RELCH: variants seen among roughly 807,000 people sequenced by gnomAD.
RELCH encodes RAB11-binding protein RELCH.
A neutral mutation model predicts 150.3 loss-of-function variants in RELCH; 41 were observed. That is an observed-to-expected ratio of 0.27 (90% CI 0.21 to 0.35). The LOEUF (loss-of-function observed/expected upper bound fraction) is 0.35, where lower values mean the gene tolerates loss of function less well. Ranked by LOEUF, RELCH falls within the 10% of genes least tolerant of loss-of-function variation. RELCH has a pLI of 1.00. For synonymous variants in RELCH, 478 were observed against 531.8 expected, an observed-to-expected ratio of 0.90 and a Z score of 1.39; for missense variants, 1,092 against 1,467.8, an observed-to-expected ratio of 0.74 and a Z score of 4.18.
Position 62,280,890 on chromosome 18 carries a change from A to G in RELCH, c.3114+181A>G, listed in dbSNP as rs114123120. Among the ~76,000 whole-genome samples, 1,012 of 152,270 alleles carry G rather than the reference A, an allele frequency of 6.6e-3. 9 individuals are homozygous for G. The highest frequency in any genetic ancestry group is 0.023 in the African/African-American group (943 of 41,548). ...TAACCAAGGTATATTTCCATATCCT[A>G]AGGAAATCTCTAGTCTTTCCTCTCA... On this transcript the variant is annotated intron_variant, in intron 24 of 28. Coordinates refer to ENST00000644646, the MANE Select transcript of RELCH (RefSeq NM_001346231.2).
chr18:62,210,907 G>T (rs1343475556), intron 1 of RELCH, among the ~76,000 whole-genome samples: 5 of 152,146 alleles, frequency 3.3e-5, no homozygotes, highest in Non-Finnish European at 5.9e-5. Context: ...CCTTGCCTGG[G>T]CTGCTTGCAA....
intron 2 of RELCH, among the ~76,000 whole-genome samples, chr18:62,220,298 G>A (rs2040768326): frequency 6.7e-6 from 1 of 148,206 alleles, no homozygotes; most frequent in South Asian, 2.1e-4. Flanking sequence ...ATCTTAATTA[G>A]GAATTAAAAG....
chr18:62,252,251 A>G (rs1020683609), intron 11 of RELCH, among the ~76,000 whole-genome samples: 1 of 150,436 alleles, frequency 6.6e-6, no homozygotes, highest in Non-Finnish European at 1.5e-5. Context: ...TGCCCGCCTC[A>G]GCCTCCCAAA....
At chr18:62,286,097 A>G (rs1258659383) in intron 25 of RELCH, 3 of 152,208 alleles carry the variant, frequency 2.0e-5, no homozygotes, top group Non-Finnish European at 4.4e-5. Context: ...CATTTCTGAG[A>G]AAAACCTTGT....
intron 2 of RELCH, among the ~76,000 whole-genome samples, chr18:62,214,106 G>T (rs942608936): frequency 4.6e-5 from 7 of 151,824 alleles, no homozygotes; most frequent in African/African-American, 1.7e-4. Flanking sequence ...CTTAAGTTTG[G>T]AGAAATAAAA....
At chr18:62,282,228 A>G in intron 24 of RELCH, 78 bp from the exon 25 acceptor site, 1 of 1,247,412 alleles carries the variant, frequency 8.0e-7, no homozygotes, top group South Asian at 1.3e-5. Context: ...AGTCATGTTT[A>G]ATGTGTGTCT....
At chr18:62,215,725 C>T (rs2040437465) in intron 2 of RELCH, among the ~76,000 whole-genome samples, 1 of 152,080 alleles carries the variant, frequency 6.6e-6, no homozygotes, top group Non-Finnish European at 1.5e-5. Flanking sequence ...CCAGTAGCTT[C>T]CATATAGTAA....
Position 62,187,747 on chromosome 18 carries a change from C to T in RELCH, c.242C>T (p.Ala81Val), listed in dbSNP as rs1193099677. 6.2e-7 allele frequency: 1 copy of T among 1,611,756 alleles called. No individual in the cohort carries two copies. The highest frequency in any genetic ancestry group is 8.5e-7 in the Non-Finnish European group (1 of 1,178,914). Reference sequence around the variant, plus strand: ...GGGGAGGCGTCGGCGGCTGCAGTGGCCCTGGGGGGCACCGGGGAGACCCCG... The same window carrying T: ...GGGGAGGCGTCGGCGGCTGCAGTGGTCCTGGGGGGCACCGGGGAGACCCCG... ...LPGEASAAAV[A>V]LGGTGETPAR... The change falls in exon 1 of 29, where the codon GCC (alanine) becomes GTC (valine). Residue 81 changes from alanine (A) to valine (V), a missense_variant. Coordinates refer to ENST00000644646, the MANE Select transcript of RELCH (RefSeq NM_001346231.2).
chr18:62,269,366 T>C (rs969656784), intron 20 of RELCH: 4 of 417,166 alleles, frequency 9.6e-6, no homozygotes, highest in African/African-American at 8.3e-5. Flanking sequence ...TTATCTCAAA[T>C]GCTTAGGATG....
intron 27 of RELCH, among the ~76,000 whole-genome samples, chr18:62,294,661 AC>A (rs761482691): frequency 4.6e-5 from 7 of 152,170 alleles, no homozygotes; most frequent in Non-Finnish European, 8.8e-5. Flanking sequence ...ATCTTCGAAC[AC>A]TGATTCTTAA....
intron 1 of RELCH, among the ~76,000 whole-genome samples, chr18:62,208,954 T>C (rs191720610): frequency 5.8e-4 from 89 of 152,310 alleles, no homozygotes; most frequent in African/African-American, 2.0e-3. Flanking sequence ...CTTTTCCAGG[T>C]CCTAGAGGAT....
chr18:62,258,662 G>A lies in RELCH; in HGVS notation c.2188G>A (p.Glu730Lys). 1 of 1,584,472 alleles carries A rather than the reference G, an allele frequency of 6.3e-7. No homozygotes were observed. Among genetic ancestry groups the A allele is most frequent in the South Asian group, 1.2e-5 (1 of 85,548 alleles). The change falls in exon 15 of 29, where the codon GAA (glutamate) becomes AAA (lysine). Residue 730 changes from glutamate (E) to lysine (K), a missense_variant. Transcript: ENST00000644646. ...HLILTLLNKI[E>K]KLLREGEHGL... is the part of the protein sequence containing the mutation. Reference sequence around the variant, plus strand: ...TATACTTACACTACTGAACAAGATTGAAAAACTTCTCAGGGTAAGTTCTTC... The same window carrying A: ...TATACTTACACTACTGAACAAGATTAAAAAACTTCTCAGGGTAAGTTCTTC...
At chr18:62,260,297 T>A (rs1436482243) in intron 15 of RELCH, among the ~76,000 whole-genome samples, 1 of 148,668 alleles carries the variant, frequency 6.7e-6, no homozygotes, top group Non-Finnish European at 1.5e-5. Context: ...TTAACATCAC[T>A]AATCATCAGG....
Position 62,228,510 on chromosome 18 carries a change from C to G in RELCH, c.1360C>G (p.Pro454Ala). The G allele has an allele frequency of 1.2e-6, 2 of 1,613,030 alleles. No individual in the cohort carries two copies. The highest frequency in any genetic ancestry group is 1.7e-6 in the Non-Finnish European group (2 of 1,179,432). Residue 454 changes from proline (P) to alanine (A), a missense_variant, in exon 8 of 29, where the codon CCA becomes GCA. By Grantham distance (27) the Pro-to-Ala change is conservative (BLOSUM62 -1). This residue lies in a region of RELCH where 707 missense variants were observed against 1,025.4 expected (regional missense o/e 0.69). Transcript: ENST00000644646. ...ADSTIPKENS[P>A]NSFPRREREG... ...TTCCACTATTCCTAAAGAGAATTCC[C>G]CAAATTCATTCCCCAGGAGAGAAAG...
rs200508195 is a variant in RELCH, at chr18:62,189,275, G to GTT, written c.526+1255_526+1256dup. ...TCTTTTTTTGTTTTTTTTTTTTGTT[G>GTT]TTTTTTTTTTTTGGTTTTTGTGTTA... On this transcript the variant is annotated intron_variant, in intron 1 of 28. Transcript: ENST00000644646. Among the ~76,000 whole-genome samples, 739 of 130,316 alleles carry GTT rather than the reference G, an allele frequency of 5.7e-3. 2 individuals are homozygous for GTT. The highest frequency in any genetic ancestry group is 8.7e-3 in the African/African-American group (307 of 35,178). 85.5% of individuals were successfully genotyped at this position (130,316 alleles called of 152,430 possible).
At chr18:62,209,212 A>G (rs1239910681) in intron 1 of RELCH, among the ~76,000 whole-genome samples, 2 of 152,200 alleles carry the variant, frequency 1.3e-5, no homozygotes, top group Non-Finnish European at 2.9e-5. Context: ...GTTATATCTA[A>G]GAAATGATTG....
intron 20 of RELCH, among the ~76,000 whole-genome samples, chr18:62,272,258 C>G (rs1381445669): frequency 6.6e-6 from 1 of 152,068 alleles, no homozygotes; most frequent in Non-Finnish European, 1.5e-5. Context: ...GTATGCCTAC[C>G]ATTCTCTAAC....
At chr18:62,204,900 A>G (rs968137896) in intron 1 of RELCH, among the ~76,000 whole-genome samples, 4 of 152,226 alleles carry the variant, frequency 2.6e-5, no homozygotes, top group Admixed American at 6.5e-5. Context: ...CCAGGATTCA[A>G]CCTTGATTAT....
At chr18:62,295,128 A>G (rs2045341409) in intron 27 of RELCH, among the ~76,000 whole-genome samples, 1 of 152,210 alleles carries the variant, frequency 6.6e-6, no homozygotes, top group African/African-American at 2.4e-5. Flanking sequence ...GTTTAGTATT[A>G]TATTGACAAG....
Sources: gnomAD v4.1 joint callset for allele counts (sites outside exome capture counted in the v4.1 genomes callset) on GRCh38, gnomAD v4.1.1 for gene constraint, gnomAD v4.1.1 regional missense constraint, MANE v1.5 for transcripts, NCBI Gene and HGNC (gene_info 2026-07-23, HGNC 2026-07-21) for gene names.